The following SLC38A1 variants were observed in gnomAD, a reference collection of about 807,000 sequenced individuals.
SLC38A1 encodes the protein sodium-coupled neutral amino acid symporter 1.
A neutral mutation model predicts 60.3 loss-of-function variants in SLC38A1; 18 were observed. That is an observed-to-expected ratio of 0.30 (90% CI 0.21 to 0.44). SLC38A1 has a LOEUF of 0.44. SLC38A1 is among the 20% of genes least tolerant of loss of function. The pLI, the probability that SLC38A1 is intolerant of heterozygous loss-of-function variation, is 1.00. For missense variants in SLC38A1, 448 were observed against 587.2 expected, an observed-to-expected ratio of 0.76 and a Z score of 2.45; for synonymous variants, 196 against 212.1, an observed-to-expected ratio of 0.92 and a Z score of 0.66.
chr12:46,194,787 T>C (rs796248840), intron 16 of SLC38A1, among the ~76,000 whole-genome samples: 47 of 152,328 alleles, frequency 3.1e-4, no homozygotes, highest in African/African-American at 1.1e-3. Flanking sequence ...TCAGGTCATT[T>C]GAGGTCTTCT....
rs192207001 is a variant in SLC38A1, at chr12:46,240,130, G to C, written c.-93-237C>G. Among the ~76,000 whole-genome samples the C allele has an allele frequency of 1.3e-3, 203 of 152,166 alleles. 1 individual carries two copies. Among genetic ancestry groups the C allele is most frequent in the Admixed American group, 2.4e-3 (37 of 15,282 alleles). On this transcript the variant is annotated intron_variant, in intron 2 of 16. Coordinates refer to ENST00000398637, the MANE Select transcript of SLC38A1 (RefSeq NM_030674.4). ...GTGAATCATGCCCCATAATCTTACT[G>C]ATCAGGTTTATAAGAATATCATGTT...
At position 46,207,235 on chromosome 12, in the gene SLC38A1, T is replaced by G; in HGVS notation, c.483A>C (p.Ala161=). 1 of 1,609,734 alleles carries G rather than the reference T, an allele frequency of 6.2e-7. No homozygotes were observed. The highest frequency in any genetic ancestry group is 1.7e-5 in the Admixed American group (1 of 59,390). Residue 161 remains alanine (A), a splice_region_variant and synonymous_variant, in exon 8 of 17, where the codon GCA becomes GCC. Coordinates refer to ENST00000398637, the MANE Select transcript of SLC38A1 (RefSeq NM_030674.4). ...FGATSLQNTG[A]MLSYLFIVKN... is the part of the protein sequence containing the mutation. ...TTACGATGAAGAGGTAGCTCAGCAT[T>G]GCTGAAGGAAAATGAGAACATTTTT...
intron 1 of SLC38A1, among the ~76,000 whole-genome samples, chr12:46,247,254 T>A (rs986290554): frequency 3.3e-5 from 5 of 152,298 alleles, no homozygotes; most frequent in Non-Finnish European, 7.4e-5. Context: ...AGGAGGATGT[T>A]CTATCCCATC....
intron 5 of SLC38A1, among the ~76,000 whole-genome samples, chr12:46,213,507 A>G (rs1940269453): frequency 6.6e-6 from 1 of 152,236 alleles, no homozygotes; most frequent in African/African-American, 2.4e-5. Context: ...CTTGAATAGA[A>G]CAAGACCATC....
chr12:46,206,694 AAAC>A (rs1939920154), intron 8 of SLC38A1, among the ~76,000 whole-genome samples: 1 of 152,198 alleles, frequency 6.6e-6, no homozygotes, highest in African/African-American at 2.4e-5. Context: ...GAGGGAGTCA[AAAC>A]ACAATTGTGC....
chr12:46,188,962 G>A lies in SLC38A1; in HGVS notation c.*8C>T, dbSNP rs765479479. The A allele has an allele frequency of 9.9e-6, 16 of 1,610,382 alleles. No homozygotes were observed. Among genetic ancestry groups the A allele is most frequent in the South Asian group, 5.5e-5 (5 of 90,992 alleles). On this transcript the variant is annotated 3_prime_UTR_variant, in exon 17 of 17. Coordinates refer to ENST00000398637, the MANE Select transcript of SLC38A1 (RefSeq NM_030674.4). ...GACAACAGGGATGTTTCTTTTTCTC[G>A]GCGGGTTTCAGTGGCCTTCGTCACT... is the stretch of plus-strand genomic sequence containing the variant.
At chr12:46,236,630 A>T (rs1452825393) in intron 3 of SLC38A1, among the ~76,000 whole-genome samples, 1 of 152,130 alleles carries the variant, frequency 6.6e-6, no homozygotes, top group Non-Finnish European at 1.5e-5. Flanking sequence ...CATTACCTAG[A>T]CACTAGGATA....
At chr12:46,223,999 C>T (rs917353155) in intron 5 of SLC38A1, among the ~76,000 whole-genome samples, 2 of 152,066 alleles carry the variant, frequency 1.3e-5, no homozygotes, top group Admixed American at 6.6e-5. Flanking sequence ...GAAAATGTAA[C>T]AAAATGTAAC....
In SLC38A1 at chr12:46,194,005, A is replaced by T. The variant is rs547109468; in HGVS notation, c.1362+3715T>A. Among the ~76,000 whole-genome samples the T allele has an allele frequency of 2.0e-5, 3 of 152,144 alleles. No individual in the cohort carries two copies. In the South Asian group the frequency reaches 6.2e-4, roughly 32 times the overall value. On this transcript the variant is annotated intron_variant, in intron 16 of 16. Transcript: ENST00000398637. ...TGTTAGCTGGTTATTTTGCTCGTTA[A>T]TTGATGCAGTTTTTTCATAGAGTCA... is the stretch of plus-strand genomic sequence containing the variant.
Position 46,256,636 on chromosome 12 carries a change from C to CACACAGAG in SLC38A1, c.-209+11889_-209+11890insCTCTGTGT, listed in dbSNP as rs142176282. Among the ~76,000 whole-genome samples the CACACAGAG allele has an allele frequency of 2.0e-3, 245 of 123,250 alleles. 3 individuals are homozygous for CACACAGAG. In the East Asian group the frequency reaches 0.032, roughly 16 times the overall value. 80.9% of individuals were successfully genotyped at this position (123,250 alleles called of 152,430 possible). A position where few individuals can be genotyped will look rare whatever the true frequency, so the allele number is the denominator to read the frequency against. On this transcript the variant is annotated intron_variant, in intron 1 of 16. Coordinates refer to ENST00000398637, the MANE Select transcript of SLC38A1 (RefSeq NM_030674.4). ...GCGCACACACACACACACACACACA[C>CACACAGAG]AGAGAGAGAGAGAGAGAGAGAGAGA...
Position 46,184,863 on chromosome 12 carries a change from T to C in SLC38A1, c.*4107A>G, listed in dbSNP as rs752503861. 15 of 152,210 alleles carry C rather than the reference T, an allele frequency of 9.9e-5. No homozygotes were observed. The highest frequency in any genetic ancestry group is 1.9e-4 in the Non-Finnish European group (13 of 68,038). The allele number at this position is 152,210 out of a possible 1,614,324, so 9.4% of individuals were successfully genotyped here. A position where few individuals can be genotyped will look rare whatever the true frequency, so the allele number is the denominator to read the frequency against. On this transcript the variant is annotated 3_prime_UTR_variant, in exon 17 of 17. Transcript: ENST00000398637. ...AGCTTTAAAAAATAAAATATTATCA[T>C]GCCTCAGCCCGAGGTAACACCGAGT...
intron 16 of SLC38A1, among the ~76,000 whole-genome samples, chr12:46,192,941 C>T (rs1247929491): frequency 2.0e-5 from 3 of 152,184 alleles, no homozygotes; most frequent in African/African-American, 7.2e-5. Context: ...TTCAATTCTG[C>T]TCCGATCTTA....
intron 5 of SLC38A1, among the ~76,000 whole-genome samples, chr12:46,228,597 A>G (rs1364256939): frequency 6.6e-6 from 1 of 152,200 alleles, no homozygotes; most frequent in Non-Finnish European, 1.5e-5. Context: ...ATACATTTGC[A>G]GAAAGTCCCA....
chr12:46,254,873 G>T (rs1377554706), intron 1 of SLC38A1: 1 of 152,992 alleles, frequency 6.5e-6, no homozygotes, highest in Non-Finnish European at 1.5e-5. Context: ...TCCAAATTTT[G>T]TTCAGAGGAG....
chr12:46,196,328 C>A (rs954062609), intron 16 of SLC38A1: 2 of 1,530,968 alleles, frequency 1.3e-6, no homozygotes, highest in African/African-American at 1.4e-5. Flanking sequence ...ACATGGCATA[C>A]CATCCTGGGT....
At chr12:46,197,023 T>C (rs1939407180) in intron 16 of SLC38A1, among the ~76,000 whole-genome samples, 1 of 152,218 alleles carries the variant, frequency 6.6e-6, no homozygotes, top group African/African-American at 2.4e-5. Context: ...AGGGAGGAGT[T>C]ACATGACTAG....
At chr12:46,216,578 C>T (rs539569714) in intron 5 of SLC38A1, among the ~76,000 whole-genome samples, 4 of 152,222 alleles carry the variant, frequency 2.6e-5, no homozygotes, top group South Asian at 2.1e-4. Context: ...TGGCCAGGCG[C>T]GGTGGCTCAC....
At chr12:46,208,505 G>A (rs764255145) in intron 6 of SLC38A1, among the ~76,000 whole-genome samples, 1 of 152,154 alleles carries the variant, frequency 6.6e-6, no homozygotes, top group Admixed American at 6.5e-5. Flanking sequence ...GACCAATGTG[G>A]TTTTAGTTAA....
At position 46,186,899 on chromosome 12, in the gene SLC38A1, C is replaced by T. The variant is rs767920077; in HGVS notation, c.*2071G>A. ...AATTATGTATTTTTAAAGGTACAGTCATCCCACTACCTGGCTATTTCATTA... is the reference window on the plus strand; with the variant it reads ...AATTATGTATTTTTAAAGGTACAGTTATCCCACTACCTGGCTATTTCATTA... On this transcript the variant is annotated 3_prime_UTR_variant, in exon 17 of 17. Coordinates refer to ENST00000398637, the MANE Select transcript of SLC38A1 (RefSeq NM_030674.4). 9 of 152,190 alleles carry T rather than the reference C, an allele frequency of 5.9e-5. No individual in the cohort carries two copies. The highest frequency in any genetic ancestry group is 2.1e-4 in the South Asian group (1 of 4,832). 9.4% of individuals were successfully genotyped at this position (152,190 alleles called of 1,614,324 possible).
Sources: gnomAD v4.1 joint callset for allele counts (sites outside exome capture counted in the v4.1 genomes callset) on GRCh38, gnomAD v4.1.1 for gene constraint, MANE v1.5 for transcripts, NCBI Gene and HGNC (gene_info 2026-07-23, HGNC 2026-07-21) for gene names.